The following ACIN1 variants were observed in gnomAD, a reference collection of about 807,000 sequenced individuals.
ACIN1 encodes the protein apoptotic chromatin condensation inducer 1.
ACIN1 carries 16 observed loss-of-function variants against 146.6 expected under a neutral mutation model. That is an observed-to-expected ratio of 0.11 (90% CI 0.07 to 0.17). ACIN1 has a LOEUF of 0.17. Among genes scored for constraint, ACIN1 ranks in the 10% least tolerant of loss-of-function variants. ACIN1 has a pLI of 1.00. For missense variants in ACIN1, 1,357 were observed against 1,609.3 expected (o/e 0.84, Z 2.68); for synonymous variants, 569 against 582.7 (o/e 0.98, Z 0.34).
In ACIN1 at chr14:23,059,441, C is replaced by T. The variant is rs2047196014; in HGVS notation, c.3559G>A (p.Ala1187Thr). The change falls in exon 19 of 19, where the codon GCC becomes ACC. Residue 1187 changes from alanine (A) to threonine (T), a missense_variant. Physicochemically the swap from Ala to Thr is moderately conservative, Grantham distance 58 (BLOSUM62 0). This residue lies in a region of ACIN1 where 509 missense variants were observed against 719.6 expected (regional missense o/e 0.71). Transcript: ENST00000605057. ...VQKEAERAERAKEREKRRKEQ... is the reference protein window; with the variant it reads ...VQKEAERAERTKEREKRRKEQ... Reference sequence around the variant, plus strand: ...TTTCGCCGCTTCTCCCGCTCCTTGGCCCGTTCGGCCCGCTCTGCCTCTTTC... The same window carrying T: ...TTTCGCCGCTTCTCCCGCTCCTTGGTCCGTTCGGCCCGCTCTGCCTCTTTC... The T allele has an allele frequency of 1.9e-6, 3 of 1,613,940 alleles. No homozygotes were observed. Among genetic ancestry groups the T allele is most frequent in the South Asian group, 1.1e-5 (1 of 91,082 alleles).
At position 23,082,423 on chromosome 14, in the gene ACIN1, T is replaced by C. The variant is rs571849693; in HGVS notation, c.437-587A>G. ...TGGGTCCTGTCTATTAGGTTTTATG[T>C]ATTAGAGCTCAATATTTTTTTTTTT... On this transcript the variant is annotated intron_variant, in intron 4 of 18. Transcript: ENST00000605057. Among the ~76,000 whole-genome samples the C allele has an allele frequency of 7.3e-4, 111 of 151,386 alleles. 1 individual carries two copies. The highest frequency in any genetic ancestry group is 2.6e-3 in the African/African-American group (106 of 41,160).
chr14:23,064,106 T>C lies in ACIN1; in HGVS notation c.2594A>G (p.Gln865Arg), dbSNP rs2140016219. The C allele has an allele frequency of 6.2e-7, 1 of 1,614,086 alleles. No individual in the cohort carries two copies. The highest frequency in any genetic ancestry group is 8.5e-7 in the Non-Finnish European group (1 of 1,180,018). Residue 865 changes from glutamine (Q) to arginine (R), a missense_variant and splice_region_variant, in exon 12 of 19, where the codon CAG becomes CGG. Physicochemically the swap from Gln to Arg is conservative, Grantham distance 43. Coordinates refer to ENST00000605057, the MANE Select transcript of ACIN1 (RefSeq NM_001386863.1). Reference sequence around the variant, plus strand: ...GACACTGGGGTGCAGAAGCCTTACCTGAGTGACTGTCCGGCATATTTTCAG... The same window carrying C: ...GACACTGGGGTGCAGAAGCCTTACCCGAGTGACTGTCCGGCATATTTTCAG... ...KGLKICRTVT[Q>R]VVPAEGQENG...
In ACIN1 at chr14:23,080,563, G is replaced by C. The variant is rs780066145; in HGVS notation, c.772C>G (p.Pro258Ala). The stretch of plus-strand genomic sequence containing the variant: ...GGTCTCTCATCCATCATCTCCTCTG[G>C]TTTTACTCTAGGTATCTCTTCCCCT... ...EEGEEIPRVKPEEMMDERPKT... is the reference protein window; with the variant it reads ...EEGEEIPRVKAEEMMDERPKT... The change falls in exon 6 of 19, where the codon CCA (proline) becomes GCA (alanine). Residue 258 changes from proline (P) to alanine (A), a missense_variant. Pro to Ala is a conservative substitution (Grantham distance 27). Coordinates refer to ENST00000605057, the MANE Select transcript of ACIN1 (RefSeq NM_001386863.1). 1 of 1,613,860 alleles carries C rather than the reference G, an allele frequency of 6.2e-7. No homozygotes were observed. Among genetic ancestry groups the C allele is most frequent in the Non-Finnish European group, 8.5e-7 (1 of 1,179,966 alleles).
chr14:23,071,664 T>C (rs2047659701), intron 8 of ACIN1: 1 of 1,176,782 alleles, frequency 8.5e-7, no homozygotes, highest in South Asian at 1.6e-5. Flanking sequence ...TTCTTATCCT[T>C]TGGCAGGCCA....
chr14:23,095,411 A>T (rs1594797592), upstream of ACIN1: 3 of 1,250,218 alleles, frequency 2.4e-6, no homozygotes, highest in South Asian at 4.4e-5. Flanking sequence ...CGACCCTGGT[A>T]TAACCATAAT....
At chr14:23,095,200 C>T (rs2048345296), upstream of ACIN1, 3 of 1,614,098 alleles carry the variant, frequency 1.9e-6, no homozygotes, top group Middle Eastern at 1.6e-4. Context: ...CGAGATGACC[C>T]CGCCCACTGC....
chr14:23,073,593 G>C (rs1391738198), intron 8 of ACIN1, among the ~76,000 whole-genome samples: 2 of 152,118 alleles, frequency 1.3e-5, no homozygotes, highest in Non-Finnish European at 1.5e-5. Context: ...AGGATGCAGA[G>C]GTTGTGGTGA....
intron 6 of ACIN1, 109 bp from the exon 7 acceptor site, chr14:23,079,147 T>C: frequency 1.8e-6 from 2 of 1,142,042 alleles, no homozygotes; most frequent in Non-Finnish European, 2.4e-6. Context: ...CTCTGGACCT[T>C]TTTGTCTGTG....
chr14:23,062,571 C>A, intron 14 of ACIN1, 48 bp from the exon 15 acceptor site: 1 of 1,514,956 alleles, frequency 6.6e-7, no homozygotes, highest in Non-Finnish European at 9.2e-7. Context: ...GCAAGACCAC[C>A]ACCCAATCTT....
At chr14:23,094,815 G>A in intron 1 of ACIN1, 160 bp downstream of exon 1, 1 of 1,119,566 alleles carries the variant, frequency 8.9e-7, no homozygotes, top group Non-Finnish European at 1.2e-6. Context: ...CTCCATTCCA[G>A]CGCGAACCTC....
intron 6 of ACIN1, 90 bp from the exon 7 acceptor site, chr14:23,079,128 A>T (rs1043928440): frequency 3.8e-5 from 48 of 1,278,834 alleles, no homozygotes; most frequent in Non-Finnish European, 5.0e-5. Flanking sequence ...CCATGGACCA[A>T]ATTTTATACT....
chr14:23,079,104 G>A, intron 6 of ACIN1, 66 bp from the exon 7 acceptor site: 1 of 1,471,244 alleles, frequency 6.8e-7, no homozygotes, highest in Non-Finnish European at 9.1e-7. Context: ...GTAGATTGCT[G>A]AGTTTTCCAG....
Position 23,068,465 on chromosome 14 carries a change from CT to C in ACIN1, c.2265+1010del, listed in dbSNP as rs1243769258. ...CCAGAACAGTGTTCTTCTTGGCCCC[CT>C]GATGTAAGCAAGACAGGGAGGCAAA... On this transcript the variant is annotated intron_variant, in intron 9 of 18. Transcript: ENST00000605057. The surrounding 1 kb of genome is among the most constrained non-coding windows in gnomAD (Gnocchi z 4.3). The C allele has an allele frequency of 1.0e-6, 1 of 985,774 alleles. No individual in the cohort carries two copies. Among genetic ancestry groups the C allele is most frequent in the African/African-American group, 1.7e-5 (1 of 57,224 alleles). 61.1% of individuals were successfully genotyped at this position (985,774 alleles called of 1,614,324 possible).
In ACIN1 at chr14:23,062,448, T is replaced by C; in HGVS notation, c.2959A>G (p.Ile987Val). 1 of 1,614,162 alleles carries C rather than the reference T, an allele frequency of 6.2e-7. No individual in the cohort carries two copies. Among genetic ancestry groups the C allele is most frequent in the Non-Finnish European group, 8.5e-7 (1 of 1,180,022 alleles). Residue 987 changes from isoleucine to valine, a missense_variant, in exon 15 of 19, where the codon ATT (isoleucine) becomes GTT (valine). Ile to Val is a conservative substitution (Grantham distance 29). This residue lies in a region of ACIN1 where 509 missense variants were observed against 719.6 expected (regional missense o/e 0.71). Coordinates refer to ENST00000605057, the MANE Select transcript of ACIN1 (RefSeq NM_001386863.1). Reference sequence around the variant, plus strand: ...AAGCAATGAGATTTGATCTTGTCAATCCAGAAGGCCTCTTCCACCAAGGTT... The same window carrying C: ...AAGCAATGAGATTTGATCTTGTCAACCCAGAAGGCCTCTTCCACCAAGGTT... ...TGTLVEEAFW[I>V]DKIKSHCFVT...
intron 10 of ACIN1, among the ~76,000 whole-genome samples, chr14:23,064,946 G>A (rs556648178): frequency 6.6e-6 from 1 of 151,202 alleles, no homozygotes; most frequent in Non-Finnish European, 1.5e-5. Context: ...GGAAACCATG[G>A]CTTCAGACTG....
rs1369282000 is a variant in ACIN1 at position 23,068,743 on chromosome 14, G to GT, written c.2265+732_2265+733insA. 1.9e-5 allele frequency: 19 copies of GT among 985,264 alleles called. No homozygotes were observed. 61.0% of individuals were successfully genotyped at this position (985,264 alleles called of 1,614,324 possible). ...TTCTGCACATCAAATCACTTTCACCGGCCCCCACCCCCGCAACACACACCA... is the reference window on the plus strand; with the variant it reads ...TTCTGCACATCAAATCACTTTCACCGTGCCCCCACCCCCGCAACACACACCA... On this transcript the variant is annotated intron_variant, in intron 9 of 18. Transcript: ENST00000605057. The surrounding 1 kb of genome is among the most constrained non-coding windows in gnomAD (Gnocchi z 4.3).
intron 2 of ACIN1, among the ~76,000 whole-genome samples, chr14:23,092,764 C>G (rs905065022): frequency 6.6e-6 from 1 of 152,092 alleles, no homozygotes; most frequent in Non-Finnish European, 1.5e-5. Flanking sequence ...TGCAGAAACT[C>G]AATAGTTAAA....
At chr14:23,063,133 C>G (rs2047340236) in intron 13 of ACIN1, 59 bp from the exon 14 acceptor site, 9 of 1,497,016 alleles carry the variant, frequency 6.0e-6, no homozygotes, top group Middle Eastern at 1.8e-4. Context: ...TCTTTTCACC[C>G]TCAATGTAAC....
Position 23,080,190 on chromosome 14 carries a change from G to A in ACIN1, c.1145C>T (p.Pro382Leu). ...GACAGCGGGGGCTGGGCCTTCCATG[G>A]GCTCTATTTCTTCTTCGCTATGGAG... ...PQLHSEEEIE[P>L]MEGPAPAVLI... Residue 382 changes from proline (P) to leucine (L), a missense_variant, in exon 6 of 19, where the codon CCC (proline) becomes CTC (leucine). Coordinates refer to ENST00000605057, the MANE Select transcript of ACIN1 (RefSeq NM_001386863.1). The A allele has an allele frequency of 6.2e-7, 1 of 1,614,128 alleles. No individual in the cohort carries two copies. The highest frequency in any genetic ancestry group is 8.5e-7 in the Non-Finnish European group (1 of 1,180,014).
Sources: allele counts gnomAD v4.1 joint callset (sites outside exome capture counted in the v4.1 genomes callset), GRCh38; gene constraint gnomAD v4.1.1; regional missense constraint gnomAD v4.1.1; non-coding constraint Gnocchi (gnomAD v3.1); transcripts MANE v1.5; gene names NCBI Gene and HGNC (gene_info 2026-07-23, HGNC 2026-07-21).